The following SYNE2 variants were observed in gnomAD, a reference collection of about 807,000 sequenced individuals.
SYNE2 encodes the protein spectrin repeat containing nuclear envelope protein 2.
A neutral mutation model predicts 856.3 loss-of-function variants in SYNE2; 431 were observed. The observed-to-expected ratio is 0.50, with a 90% confidence interval of 0.47 to 0.55. The LOEUF is 0.55. Among genes scored for constraint, SYNE2 ranks in the 20% least tolerant of loss-of-function variants. The pLI, the probability that SYNE2 is intolerant of heterozygous loss-of-function variation, is 0.00. For missense variants in SYNE2, 8,129 were observed against 8,023.2 expected (o/e 1.01, Z -0.50); for synonymous variants, 2,923 against 2,872.3 (o/e 1.02, Z -0.56).
intron 99 of SYNE2, chr14:64,190,748 C>G (rs2098514404): frequency 1.5e-6 from 1 of 659,606 alleles, no homozygotes; most frequent in African/African-American, 1.8e-5. Context: ...GTGTCTTGTC[C>G]TAGGATGTGG....
chr14:63,909,131 T>C lies in SYNE2; in HGVS notation c.-18T>C, dbSNP rs1397907085. 1 of 1,569,050 alleles carries C rather than the reference T, an allele frequency of 6.4e-7. No individual in the cohort carries two copies. The highest frequency in any genetic ancestry group is 2.2e-5 in the East Asian group (1 of 44,632). ...TTCAACTGAGATGGACATGATATAA[T>C]CTCCATTGAGTCAAAGAATGGCATC... On this transcript the variant is annotated 5_prime_UTR_variant, in exon 2 of 116. Transcript: ENST00000555002.
chr14:63,929,994 A>C (rs1321066080), intron 2 of SYNE2, among the ~76,000 whole-genome samples: 1 of 152,222 alleles, frequency 6.6e-6, no homozygotes, highest in East Asian at 1.9e-4. Context: ...TTAAAATACA[A>C]TGAGATGGGG....
At chr14:63,930,900 C>T (rs1291092586) in intron 2 of SYNE2, among the ~76,000 whole-genome samples, 1 of 152,102 alleles carries the variant, frequency 6.6e-6, no homozygotes, top group Non-Finnish European at 1.5e-5. Flanking sequence ...ATTATTGAAC[C>T]TGAGGAGGGG....
chr14:64,144,058 C>A (rs1424170692), intron 83 of SYNE2, 110 bp downstream of exon 83: 2 of 1,259,404 alleles, frequency 1.6e-6, no homozygotes, highest in Non-Finnish European at 2.3e-6. Context: ...GCCTAATAAT[C>A]ATCTCAACTA....
At chr14:63,838,815 G>C (rs79069469) in intron 1 of SYNE2, among the ~76,000 whole-genome samples, 1 of 151,476 alleles carries the variant, frequency 6.6e-6, no homozygotes, top group Admixed American at 6.6e-5. Context: ...CCTAGCCTAC[G>C]TGTACATTTT....
At chr14:63,996,834 G>T in intron 23 of SYNE2, 113 bp from the exon 24 acceptor site, 4 of 960,236 alleles carry the variant, frequency 4.2e-6, no homozygotes, top group Non-Finnish European at 6.5e-6. Context: ...CATGTAGATG[G>T]CCTATACAAG....
At chr14:64,133,523 A>T (rs1460257299) in intron 77 of SYNE2, among the ~76,000 whole-genome samples, 1 of 152,124 alleles carries the variant, frequency 6.6e-6, no homozygotes, top group Non-Finnish European at 1.5e-5. Context: ...CTAAAAGATG[A>T]CAAGACTAGG....
At chr14:63,848,537 A>G (rs1288041903), upstream of SYNE2, among the ~76,000 whole-genome samples, 1 of 152,214 alleles carries the variant, frequency 6.6e-6, no homozygotes, top group Non-Finnish European at 1.5e-5. Context: ...TGAGGGTAAA[A>G]CAAACAAGAC....
chr14:64,024,505 T>G, intron 39 of SYNE2, 46 bp downstream of exon 39: 1 of 1,575,304 alleles, frequency 6.3e-7, no homozygotes, highest in Non-Finnish European at 8.7e-7. Context: ...TCTAACCATA[T>G]CTTTATTTGT....
intron 22 of SYNE2, among the ~76,000 whole-genome samples, chr14:63,994,788 C>G (rs1594744594): frequency 6.6e-6 from 1 of 152,232 alleles, no homozygotes; most frequent in East Asian, 1.9e-4. Flanking sequence ...TTCCCTCAGT[C>G]TGTAGCTTGT....
intron 1 of SYNE2, among the ~76,000 whole-genome samples, chr14:63,774,468 C>CAAAAAAAAAA (rs748830808): frequency 2.1e-5 from 2 of 95,324 alleles, no homozygotes; most frequent in Non-Finnish European, 4.1e-5. Flanking sequence ...GACTCCGTCT[C>CAAAAAAAAAA]AAAAAAAAAA....
chr14:64,080,066 C>T (rs758041606), intron 55 of SYNE2, among the ~76,000 whole-genome samples: 11 of 146,800 alleles, frequency 7.5e-5, no homozygotes, highest in Admixed American at 1.4e-4. Flanking sequence ...TGTGTGTGTG[C>T]GCGTGCGTGT....
chr14:64,107,672 T>G, intron 65 of SYNE2, 65 bp downstream of exon 65: 1 of 1,284,054 alleles, frequency 7.8e-7, no homozygotes, highest in Admixed American at 1.7e-5. Context: ...AGATGACCAG[T>G]GTTCTGTGTC....
intron 100 of SYNE2, 111 bp downstream of exon 100, chr14:64,203,074 T>C (rs2098584043): frequency 7.0e-7 from 1 of 1,423,308 alleles, no homozygotes; most frequent in Admixed American, 1.9e-5. Flanking sequence ...TCCATAACAT[T>C]GGTTTGCTTT....
intron 51 of SYNE2, among the ~76,000 whole-genome samples, chr14:64,069,652 C>T (rs867126898): frequency 1.3e-5 from 2 of 152,138 alleles, no homozygotes; most frequent in Non-Finnish European, 2.9e-5. Flanking sequence ...TGCTGTGTCT[C>T]TTTTTTAGTG....
chr14:63,939,102 G>T (rs2095868655), intron 2 of SYNE2, among the ~76,000 whole-genome samples: 1 of 152,180 alleles, frequency 6.6e-6, no homozygotes, highest in South Asian at 2.1e-4. Flanking sequence ...GGGTGCCATG[G>T]GTGTCTGGGC....
chr14:63,886,509 T>C (rs1269922090), intron 1 of SYNE2, among the ~76,000 whole-genome samples: 1 of 152,240 alleles, frequency 6.6e-6, no homozygotes, highest in Non-Finnish European at 1.5e-5. Context: ...CATTGTGTGA[T>C]TATTAAGTGC....
chr14:64,113,049 C>G, intron 65 of SYNE2: 1 of 985,398 alleles, frequency 1.0e-6, no homozygotes, highest in Non-Finnish European at 1.2e-6. Flanking sequence ...CTGTCACTCA[C>G]ATTCTCACCT....
chr14:64,027,447 A>G (rs776527054), intron 42 of SYNE2, 37 bp from the exon 43 acceptor site: 1 of 1,409,148 alleles, frequency 7.1e-7, no homozygotes, highest in African/African-American at 1.5e-5. Context: ...ATTTTGCTAA[A>G]TATCATTTAA....
Sources: allele counts gnomAD v4.1 joint callset (sites outside exome capture counted in the v4.1 genomes callset), GRCh38; gene constraint gnomAD v4.1.1; transcripts MANE v1.5; gene names NCBI Gene and HGNC (gene_info 2026-07-23, HGNC 2026-07-21).